Variants in PHACTR4 observed in about 807,000 individuals in gnomAD.
PHACTR4 encodes the protein phosphatase and actin regulator 4, also known as protein phosphatase 1, regulatory subunit 124.
A neutral mutation model predicts 72.7 loss-of-function variants in PHACTR4; 51 were observed. The observed-to-expected ratio is 0.70, with a 90% CI of 0.56 to 0.89. The LOEUF is 0.89. Among genes scored for constraint, PHACTR4 ranks in the 40% least tolerant of loss-of-function variants. The probability of loss-of-function intolerance (pLI) is 0.00; values close to 1 mark genes in which losing one functional copy is unlikely to be tolerated. For synonymous variants in PHACTR4, 255 were observed against 302.5 expected (o/e 0.84, Z 1.63); for missense variants, 731 against 861.8 (o/e 0.85, Z 1.90).
chr1:28,433,343 GCA>G (rs1412892563), intron 2 of PHACTR4, among the ~76,000 whole-genome samples: 2 of 151,850 alleles, frequency 1.3e-5, no homozygotes, highest in East Asian at 3.9e-4. Flanking sequence ...TTACCAATTA[GCA>G]CAGAGTAAAT....
At chr1:28,386,535 T>A (rs1455293727) in intron 1 of PHACTR4, among the ~76,000 whole-genome samples, 1 of 152,202 alleles carries the variant, frequency 6.6e-6, no homozygotes, top group African/African-American at 2.4e-5. Flanking sequence ...AGACTCTCAC[T>A]ATTATTTTGT....
At chr1:28,374,439 A>C (rs962375164) in intron 1 of PHACTR4, among the ~76,000 whole-genome samples, 2 of 152,206 alleles carry the variant, frequency 1.3e-5, no homozygotes, top group African/African-American at 4.8e-5. Context: ...CATGCCATGA[A>C]TGTGACATCA....
chr1:28,413,278 T>A (rs1483585776), intron 2 of PHACTR4, among the ~76,000 whole-genome samples: 1 of 152,214 alleles, frequency 6.6e-6, no homozygotes, highest in Non-Finnish European at 1.5e-5. Flanking sequence ...TTAAAAAGGA[T>A]AAATAGCAGC....
chr1:28,461,837 G>A (rs865938209), intron 4 of PHACTR4, among the ~76,000 whole-genome samples: 27 of 148,894 alleles, frequency 1.8e-4, no homozygotes, highest in Admixed American at 7.3e-4. Flanking sequence ...GGTGCTATGC[G>A]ATGTTTTCTT....
In PHACTR4 at chr1:28,429,443, G is replaced by T. The variant is rs936692054; in HGVS notation, c.16+21980G>T. ...TGATAGAGTAGTCTATGGTCTCGAC[G>T]TTTTTTCTGGCCTCCGTGAGAAAAG... On this transcript the variant is annotated intron_variant, in intron 2 of 13. Coordinates refer to ENST00000373839, the MANE Select transcript of PHACTR4 (RefSeq NM_001048183.3). Among the ~76,000 whole-genome samples, 4 of 152,260 alleles carry T rather than the reference G, an allele frequency of 2.6e-5. No homozygotes were observed. In the East Asian group the frequency reaches 7.7e-4, roughly 29 times the overall value.
chr1:28,461,690 CT>C (rs149742762), intron 4 of PHACTR4, among the ~76,000 whole-genome samples: 2 of 150,538 alleles, frequency 1.3e-5, no homozygotes, highest in Admixed American at 6.6e-5. Context: ...CATGGGTGGG[CT>C]TTTTTTTTGT....
intron 1 of PHACTR4, 144 bp from the exon 2 acceptor site, chr1:28,407,266 T>A: frequency 1.4e-5 from 5 of 347,376 alleles, no homozygotes; most frequent in Non-Finnish European, 2.1e-5. Flanking sequence ...AAAAAAAAAC[T>A]ATCATTTAAT....
intron 6 of PHACTR4, among the ~76,000 whole-genome samples, chr1:28,469,780 G>C (rs758919580): frequency 6.6e-6 from 1 of 152,180 alleles, no homozygotes; most frequent in African/African-American, 2.4e-5. Flanking sequence ...ATGGGGCCAG[G>C]CATGGTGGCT....
At chr1:28,411,775 T>C (rs1190528722) in intron 2 of PHACTR4, among the ~76,000 whole-genome samples, 6 of 151,704 alleles carry the variant, frequency 4.0e-5, no homozygotes, top group Admixed American at 6.6e-5. Flanking sequence ...TGTAACCAAA[T>C]ACTACCCATT....
intron 9 of PHACTR4, among the ~76,000 whole-genome samples, chr1:28,484,963 T>G (rs1660540050): frequency 6.6e-6 from 1 of 151,570 alleles, no homozygotes; most frequent in Non-Finnish European, 1.5e-5. Context: ...CAAAAGAAAC[T>G]CCGTTTCAAA....
At chr1:28,416,633 G>A (rs1196045999) in intron 2 of PHACTR4, among the ~76,000 whole-genome samples, 1 of 152,178 alleles carries the variant, frequency 6.6e-6, no homozygotes, top group South Asian at 2.1e-4. Context: ...CTTACTCCTA[G>A]AAAATCATAG....
chr1:28,442,483 T>TTTTG (rs774787777), intron 2 of PHACTR4, among the ~76,000 whole-genome samples: 2 of 151,368 alleles, frequency 1.3e-5, no homozygotes, highest in African/African-American at 2.4e-5. Flanking sequence ...AAAAAAAAGT[T>TTTTG]TTTGTTTGTT....
chr1:28,473,867 T>G lies in PHACTR4; in HGVS notation c.1137T>G (p.Asp379Glu). 3 of 1,613,992 alleles carry G rather than the reference T, an allele frequency of 1.9e-6. No individual in the cohort carries two copies. Among genetic ancestry groups the G allele is most frequent in the Non-Finnish European group, 2.5e-6 (3 of 1,179,978 alleles). ...VPEIEFPPSL[D>E]LHQEIPQQED... ...AAATTGAGTTTCCACCATCCTTAGA[T>G]CTACACCAGGAGATTCCCCAGCAGG... The change falls in exon 7 of 14, where the codon GAT becomes GAG. Residue 379 changes from aspartate to glutamate, a missense_variant. Asp to Glu is a conservative substitution (Grantham distance 45). This residue lies in a region of PHACTR4 where 621 missense variants were observed against 676.6 expected (regional missense o/e 0.92). Transcript: ENST00000373839.
In PHACTR4 at chr1:28,480,506, C is replaced by G. The variant is rs772896459; in HGVS notation, c.1662C>G (p.His554Gln). 95 of 1,614,054 alleles carry G rather than the reference C, an allele frequency of 5.9e-5. No homozygotes were observed. The highest frequency in any genetic ancestry group is 7.6e-5 in the Non-Finnish European group (90 of 1,180,040). Residue 554 changes from histidine to glutamine, a missense_variant, in exon 9 of 14, where the codon CAC (histidine) becomes CAG (glutamine). His to Gln is a conservative substitution (Grantham distance 24, BLOSUM62 0). Transcript: ENST00000373839. ...ACACACTGGCAATGAAGTTGAACCA[C>G]AGACCCAGTGAACCAGAGTTGAACC... ...RKDTLAMKLN[H>Q]RPSEPELNLN...
At chr1:28,483,662 T>G (rs1660427437) in intron 9 of PHACTR4, among the ~76,000 whole-genome samples, 1 of 150,760 alleles carries the variant, frequency 6.6e-6, no homozygotes. Context: ...ATTAGCTGGG[T>G]GTGGTGCTGG....
chr1:28,496,947 G>T lies in PHACTR4; in HGVS notation c.*398G>T. On this transcript the variant is annotated 3_prime_UTR_variant, in exon 14 of 14. Transcript: ENST00000373839. Reference sequence around the variant, plus strand: ...TGCCCTGATTGTGAGACCCAAATGTGTAGGCTCTAAATTCCAGCCATCAAA... The same window carrying T: ...TGCCCTGATTGTGAGACCCAAATGTTTAGGCTCTAAATTCCAGCCATCAAA... 9.3e-6 allele frequency: 2 copies of T among 214,042 alleles called. No homozygotes were observed. The highest frequency in any genetic ancestry group is 1.9e-5 in the Non-Finnish European group (2 of 107,280). 13.3% of individuals were successfully genotyped at this position (214,042 alleles called of 1,614,324 possible).
chr1:28,390,110 C>T (rs1368123856), intron 1 of PHACTR4, among the ~76,000 whole-genome samples: 2 of 152,178 alleles, frequency 1.3e-5, no homozygotes, highest in Non-Finnish European at 2.9e-5. Flanking sequence ...TGAAGTCAGC[C>T]AGGCACAGAA....
chr1:28,493,107 C>T lies in PHACTR4; in HGVS notation c.2093+16C>T, dbSNP rs1183172632. Reference sequence around the variant, plus strand: ...ATTTTACACGGTAAGACCCAAAAGACCCAATCATATATGTGCTAGGTAGAG... The same window carrying T: ...ATTTTACACGGTAAGACCCAAAAGATCCAATCATATATGTGCTAGGTAGAG... On this transcript the variant is annotated intron_variant, in intron 13 of 13. Coordinates refer to ENST00000373839, the MANE Select transcript of PHACTR4 (RefSeq NM_001048183.3). The T allele has an allele frequency of 6.2e-7, 1 of 1,601,258 alleles. No individual in the cohort carries two copies. The highest frequency in any genetic ancestry group is 2.2e-5 in the East Asian group (1 of 44,822).
At chr1:28,427,483 A>G (rs61783832) in intron 2 of PHACTR4, among the ~76,000 whole-genome samples, 58,646 of 152,018 alleles carry the variant, frequency 0.39, 13,006 homozygotes, top group African/African-American at 0.6. Flanking sequence ...CTGAAATTGC[A>G]CCACTGCATT....
Sources: gnomAD v4.1 joint callset for allele counts (sites outside exome capture counted in the v4.1 genomes callset) on GRCh38, gnomAD v4.1.1 for gene constraint, gnomAD v4.1.1 regional missense constraint, MANE v1.5 for transcripts, NCBI Gene and HGNC (gene_info 2026-07-23, HGNC 2026-07-21) for gene names.